The following ACAD10 variants were observed in gnomAD, a reference collection of about 807,000 sequenced individuals.
The protein encoded by ACAD10 is acyl-CoA dehydrogenase family member 10, also known as ACAD-10.
A neutral mutation model predicts 116.8 loss-of-function variants in ACAD10; 112 were observed. That is an observed-to-expected ratio of 0.96 (90% CI 0.82 to 1.12). ACAD10 has a LOEUF of 1.12. Ranked by LOEUF, ACAD10 falls within the 50% of genes most tolerant of loss-of-function variation. The probability of loss-of-function intolerance (pLI) is 0.00; values close to 1 mark genes in which losing one functional copy is unlikely to be tolerated. For missense variants in ACAD10, 1,259 were observed against 1,350.2 expected (o/e 0.93, Z 1.06); for synonymous variants, 486 against 510.6 (o/e 0.95, Z 0.65).
intron 3 of ACAD10, among the ~76,000 whole-genome samples, chr12:111,702,768 G>T (rs1157597975): frequency 6.6e-6 from 1 of 151,900 alleles, no homozygotes; most frequent in Non-Finnish European, 1.5e-5. Flanking sequence ...TCACCCCTAG[G>T]TGTTCAATGT....
At position 111,748,488 on chromosome 12, in the gene ACAD10, G is replaced by A. The variant is rs757063549; in HGVS notation, c.2644+13G>A. 3.1e-6 allele frequency: 5 copies of A among 1,612,440 alleles called. No homozygotes were observed. The South Asian group carries it at 4.4e-5, about 14-fold the overall frequency. On this transcript the variant is annotated intron_variant, in intron 17 of 20. Coordinates refer to ENST00000313698, the MANE Select transcript of ACAD10 (RefSeq NM_025247.6). ...GAAGATGCACCAGGTGAGACCTCCA[G>A]GGGCGGGTCACCCCTGGGTGTGGGT...
chr12:111,735,840 A>G (rs909592546), intron 11 of ACAD10, among the ~76,000 whole-genome samples: 2 of 151,076 alleles, frequency 1.3e-5, no homozygotes, highest in Non-Finnish European at 1.5e-5. Flanking sequence ...TTATTTGTTT[A>G]TTTGTTTATT....
Position 111,712,627 on chromosome 12 carries a change from C to G in ACAD10, c.820C>G (p.Leu274Val). ...TCCGAAAGATTCCTTGCAGAAGTAC[C>G]TCAAAGACTTACTGGGTATCCAGAC... ...EIPKDSLQKY[L>V]KDLLGIQTTG... Residue 274 changes from leucine to valine, a missense_variant, in exon 6 of 21, where the codon CTC becomes GTC. Coordinates refer to ENST00000313698, the MANE Select transcript of ACAD10 (RefSeq NM_025247.6). The G allele has an allele frequency of 6.2e-7, 1 of 1,614,094 alleles. No homozygotes were observed. The highest frequency in any genetic ancestry group is 8.5e-7 in the Non-Finnish European group (1 of 1,180,000).
intron 12 of ACAD10, among the ~76,000 whole-genome samples, chr12:111,739,447 G>A (rs549361698): frequency 2.0e-5 from 3 of 152,278 alleles, no homozygotes; most frequent in African/African-American, 4.8e-5. Flanking sequence ...GGAACCTGTA[G>A]ATTGAGAGAG....
chr12:111,741,022 G>A (rs1889726285), intron 12 of ACAD10, among the ~76,000 whole-genome samples: 1 of 152,042 alleles, frequency 6.6e-6, no homozygotes, highest in Non-Finnish European at 1.5e-5. Context: ...TCATTCCCAA[G>A]TATATGAGCC....
intron 7 of ACAD10, among the ~76,000 whole-genome samples, chr12:111,719,503 C>G (rs993001815): frequency 8.5e-5 from 13 of 152,152 alleles, no homozygotes; most frequent in African/African-American, 2.9e-4. Flanking sequence ...CCACCTGCCT[C>G]GGCCTCCCGG....
chr12:111,747,408 T>C (rs1390698586), intron 16 of ACAD10, 23 bp downstream of exon 16: 1 of 1,612,936 alleles, frequency 6.2e-7, no homozygotes, highest in Non-Finnish European at 8.5e-7. Flanking sequence ...AAATGCACTT[T>C]CCAAATGCAC....
chr12:111,738,954 T>C (rs887857647), intron 12 of ACAD10, among the ~76,000 whole-genome samples: 3 of 123,174 alleles, frequency 2.4e-5, no homozygotes, highest in Non-Finnish European at 4.7e-5. Flanking sequence ...ACCTCAGAGG[T>C]TGCCAGGAAA....
intron 4 of ACAD10, among the ~76,000 whole-genome samples, chr12:111,707,307 G>A (rs1888541402): frequency 6.7e-6 from 1 of 149,926 alleles, no homozygotes; most frequent in African/African-American, 2.5e-5. Flanking sequence ...TGTTGGCCAG[G>A]GTGGTCTCAA....
intron 10 of ACAD10, 95 bp downstream of exon 10, chr12:111,730,051 T>A: frequency 6.8e-7 from 1 of 1,469,878 alleles, no homozygotes; most frequent in Non-Finnish European, 9.1e-7. Context: ...CAGCTGGGAA[T>A]TATTCCTATT....
intron 8 of ACAD10, 88 bp from the exon 9 acceptor site, chr12:111,727,874 C>G (rs1030866214): frequency 1.5e-6 from 2 of 1,357,588 alleles, no homozygotes; most frequent in Non-Finnish European, 2.0e-6. Flanking sequence ...CCTGTATACC[C>G]AGGGAAAGTG....
chr12:111,733,640 C>T (rs571895599), intron 10 of ACAD10: 11 of 451,642 alleles, frequency 2.4e-5, no homozygotes, highest in Middle Eastern at 6.1e-4. Context: ...GAGTAATTCC[C>T]GGAACCCAGA....
At position 111,756,398 on chromosome 12, in the gene ACAD10, C is replaced by G. The variant is rs1374696659; in HGVS notation, c.3105C>G (p.Ala1035=). 6.2e-7 allele frequency: 1 copy of G among 1,612,422 alleles called. No individual in the cohort carries two copies. The highest frequency in any genetic ancestry group is 8.5e-7 in the Non-Finnish European group (1 of 1,179,774). Residue 1035 remains alanine (A), a synonymous_variant, in exon 21 of 21, where the codon GCC becomes GCG. Coordinates refer to ENST00000313698, the MANE Select transcript of ACAD10 (RefSeq NM_025247.6). ...CTCAGTTCTTCACCTGGGCCCGAGC[C>G]CTGCGCTTTGCCGACGGCCCTGACG... ...PLAQFFTWAR[A]LRFADGPDEV... is the part of the protein sequence containing the mutation.
rs776294614 is a variant in ACAD10 at position 111,748,440 on chromosome 12, G to A, written c.2609G>A (p.Arg870Gln). 9.9e-6 allele frequency: 16 copies of A among 1,613,696 alleles called. No homozygotes were observed. Among genetic ancestry groups the A allele is most frequent in the East Asian group, 2.2e-5 (1 of 44,896 alleles). ...GATACCCCAGGGATAAAAATCATCCGGCCTCTGACGGTGTATGGACTGGAA... is the reference window on the plus strand; with the variant it reads ...GATACCCCAGGGATAAAAATCATCCAGCCTCTGACGGTGTATGGACTGGAA... ...PMDTPGIKII[R>Q]PLTVYGLEDA... Residue 870 changes from arginine to glutamine, a missense_variant, in exon 17 of 21, where the codon CGG (arginine) becomes CAG (glutamine). Transcript: ENST00000313698.
intron 12 of ACAD10, among the ~76,000 whole-genome samples, chr12:111,741,144 C>T (rs1211204198): frequency 6.6e-6 from 1 of 152,182 alleles, no homozygotes; most frequent in Non-Finnish European, 1.5e-5. Context: ...TGTACCTGGT[C>T]TGATAAGCAG....
intron 2 of ACAD10, among the ~76,000 whole-genome samples, chr12:111,699,686 G>A (rs1888294589): frequency 6.6e-6 from 1 of 152,186 alleles, no homozygotes; most frequent in Non-Finnish European, 1.5e-5. Context: ...TTGGGAGGCC[G>A]AGGTGGGAGA....
At chr12:111,721,149 T>G (rs890965699) in intron 7 of ACAD10, among the ~76,000 whole-genome samples, 2 of 152,186 alleles carry the variant, frequency 1.3e-5, no homozygotes, top group Non-Finnish European at 2.9e-5. Context: ...TATGTTTGAT[T>G]TAGGTCTACA....
At chr12:111,749,373 T>C in intron 18 of ACAD10, 28 bp downstream of exon 18, 2 of 1,592,722 alleles carry the variant, frequency 1.3e-6, no homozygotes, top group Non-Finnish European at 8.6e-7. Context: ...CACCCAGCAC[T>C]GACTCAGAAC....
At chr12:111,749,777 AT>A (rs1301287992) in intron 18 of ACAD10, 89 of 141,306 alleles carry the variant, frequency 6.3e-4, no homozygotes, top group Middle Eastern at 3.6e-3. Context: ...AAAAAAAAAA[AT>A]TTTTTTTTTT....
Sources: allele counts gnomAD v4.1 joint callset (sites outside exome capture counted in the v4.1 genomes callset), GRCh38; gene constraint gnomAD v4.1.1; transcripts MANE v1.5; gene names NCBI Gene and HGNC (gene_info 2026-07-23, HGNC 2026-07-21).